The following SLCO1B1 variants were observed in gnomAD, a reference collection of about 807,000 sequenced individuals.
SLCO1B1 encodes OATP-2.
In SLCO1B1, 81 loss-of-function variants were observed where a neutral mutation model predicts 70.1. The observed-to-expected ratio is 1.16, with a 90% CI of 0.97 to 1.39. The LOEUF is 1.39. Among genes scored for constraint, SLCO1B1 ranks in the 40% most tolerant of loss-of-function variants. The pLI is 0.00. For synonymous variants in SLCO1B1, 283 were observed against 271.5 expected, an observed-to-expected ratio of 1.04 and a Z score of -0.42; for missense variants, 895 against 799.6, an observed-to-expected ratio of 1.12 and a Z score of -1.44.
chr12:21,157,023 G>A (rs184266583), intron 2 of SLCO1B1, among the ~76,000 whole-genome samples: 16 of 152,172 alleles, frequency 1.1e-4, no homozygotes, highest in Middle Eastern at 3.4e-3. Context: ...ATGAACACAC[G>A]AACATAATTT....
chr12:21,197,041 C>A lies in SLCO1B1; in HGVS notation c.823C>A (p.Pro275Thr), dbSNP rs760725262. Residue 275 changes from proline to threonine, a missense_variant, in exon 8 of 15, where the codon CCA (proline) becomes ACA (threonine). By Grantham distance (38) the Pro-to-Thr change is conservative (BLOSUM62 -1). Coordinates refer to ENST00000256958, the MANE Select transcript of SLCO1B1 (RefSeq NM_006446.5). ...ACTATTCTCCATTATTTCTTCCATA[C>A]CATTCTTTTTCTTGCCCCAAACTCC... Reference protein sequence around the residue: ...SGLFSIISSIPFFFLPQTPNK... With the variant: ...SGLFSIISSITFFFLPQTPNK... 1.2e-6 allele frequency: 2 copies of A among 1,613,626 alleles called. No homozygotes were observed. The highest frequency in any genetic ancestry group is 1.7e-6 in the Non-Finnish European group (2 of 1,179,734).
chr12:21,214,063 G>A (rs189076451), intron 11 of SLCO1B1, among the ~76,000 whole-genome samples: 6,823 of 152,220 alleles, frequency 0.045, 186 homozygotes, highest in Non-Finnish European at 0.054. Flanking sequence ...CTCTCAGCTC[G>A]TCAAAGTCAT....
chr12:21,221,954 T>C (rs1171330159), intron 12 of SLCO1B1, among the ~76,000 whole-genome samples: 1 of 152,054 alleles, frequency 6.6e-6, no homozygotes, highest in Non-Finnish European at 1.5e-5. Flanking sequence ...CTCATGCTCT[T>C]TCACACTTAT....
At chr12:21,142,354 CAGAA>C (rs1157546139) in intron 2 of SLCO1B1, among the ~76,000 whole-genome samples, 7 of 151,822 alleles carry the variant, frequency 4.6e-5, no homozygotes, top group Non-Finnish European at 4.4e-5. Context: ...AGCCAAGACT[CAGAA>C]AAGTTAAGAA....
intron 1 of SLCO1B1, among the ~76,000 whole-genome samples, chr12:21,137,702 G>A (rs185090611): frequency 3.3e-5 from 5 of 152,302 alleles, no homozygotes; most frequent in African/African-American, 1.2e-4. Context: ...CAGTATTAGG[G>A]TGGGAGTGAC....
chr12:21,215,573 G>T (rs1941348166), intron 11 of SLCO1B1, among the ~76,000 whole-genome samples: 1 of 152,098 alleles, frequency 6.6e-6, no homozygotes, highest in African/African-American at 2.4e-5. Context: ...GCTGGATTCA[G>T]TTTGCTAGTG....
At chr12:21,218,714 T>G (rs1301039937) in intron 12 of SLCO1B1, among the ~76,000 whole-genome samples, 5 of 152,178 alleles carry the variant, frequency 3.3e-5, no homozygotes, top group Non-Finnish European at 7.4e-5. Context: ...ATCAACAGGT[T>G]TTAGCTTTTT....
rs531042766 is a variant in SLCO1B1 at position 21,211,374 on chromosome 12, T to C, written c.1497+5341T>C. Reference sequence around the variant, plus strand: ...ATGCTGGATTACATTTATTGATTTGTGTATATTGAACCAGCCTTGCATCCC... The same window carrying C: ...ATGCTGGATTACATTTATTGATTTGCGTATATTGAACCAGCCTTGCATCCC... On this transcript the variant is annotated intron_variant, in intron 11 of 14. Transcript: ENST00000256958. 9.5e-3 allele frequency among the ~76,000 whole-genome samples: 1,442 copies of C among 152,270 alleles called. 3 individuals carry two copies. The highest frequency in any genetic ancestry group is 0.015 in the Non-Finnish European group (1,031 of 67,974).
rs2121215477 is a variant in SLCO1B1, at chr12:21,238,024, T to A, written c.1866-955T>A. On this transcript the variant is annotated intron_variant, in intron 14 of 14. Transcript: ENST00000256958. ...CACTGCACCTGGCCAGTAATTATTT[T>A]TTAAAAATGTTTCTTTTGCTCCTTT... Among the ~76,000 whole-genome samples the A allele has an allele frequency of 2.0e-5, 3 of 152,292 alleles. No homozygotes were observed. In the South Asian group the frequency reaches 6.2e-4, roughly 32 times the overall value.
At chr12:21,134,307 T>G (rs532060335) in intron 1 of SLCO1B1, among the ~76,000 whole-genome samples, 28 of 152,060 alleles carry the variant, frequency 1.8e-4, no homozygotes, top group African/African-American at 6.0e-4. Context: ...TTTTTGTTGT[T>G]TCTCTGCCAG....
intron 11 of SLCO1B1, among the ~76,000 whole-genome samples, chr12:21,214,679 G>A (rs1015614646): frequency 6.6e-6 from 1 of 151,882 alleles, no homozygotes; most frequent in African/African-American, 2.4e-5. Flanking sequence ...CCGCCTTGCA[G>A]TTTGATCTCA....
At chr12:21,149,920 C>A (rs536215906) in intron 2 of SLCO1B1, among the ~76,000 whole-genome samples, 1 of 152,272 alleles carries the variant, frequency 6.6e-6, no homozygotes, top group East Asian at 1.9e-4. Flanking sequence ...GGATCCCACC[C>A]CCATAGAGCC....
chr12:21,219,106 ATGTG>A (rs1297446962), intron 12 of SLCO1B1, among the ~76,000 whole-genome samples: 3 of 152,304 alleles, frequency 2.0e-5, no homozygotes, highest in African/African-American at 7.2e-5. Flanking sequence ...GAAGGAATGA[ATGTG>A]TGTAGCAGAA....
chr12:21,226,478 G>C (rs1941483469), intron 14 of SLCO1B1, among the ~76,000 whole-genome samples: 1 of 151,906 alleles, frequency 6.6e-6, no homozygotes, highest in Non-Finnish European at 1.5e-5. Flanking sequence ...TATTCTAACT[G>C]TATGACCTTT....
At chr12:21,203,297 A>T (rs1941178504) in intron 10 of SLCO1B1, among the ~76,000 whole-genome samples, 1 of 152,100 alleles carries the variant, frequency 6.6e-6, no homozygotes, top group East Asian at 1.9e-4. Context: ...TGCATATTAG[A>T]CATTGAAGAA....
intron 13 of SLCO1B1, 63 bp downstream of exon 13, chr12:21,222,427 TAC>T (rs869209935): frequency 0.037 from 3,725 of 100,358 alleles, 106 homozygotes; most frequent in Non-Finnish European, 0.045. Context: ...TATATATATA[TAC>T]ACACACACAT....
chr12:21,146,503 C>G (rs1021453699), intron 2 of SLCO1B1, among the ~76,000 whole-genome samples: 7 of 151,926 alleles, frequency 4.6e-5, no homozygotes, highest in Non-Finnish European at 8.8e-5. Context: ...ATTTGCTTTT[C>G]TTTTTGATTT....
At chr12:21,206,713 C>G (rs1229339237) in intron 11 of SLCO1B1, among the ~76,000 whole-genome samples, 1 of 151,872 alleles carries the variant, frequency 6.6e-6, no homozygotes, top group South Asian at 2.1e-4. Context: ...TTTCTCTAAT[C>G]TCCTGGGTAG....
At chr12:21,217,080 G>T in intron 11 of SLCO1B1, 39 bp from the exon 12 acceptor site, 1 of 1,552,960 alleles carries the variant, frequency 6.4e-7, no homozygotes, top group Non-Finnish European at 8.9e-7. Flanking sequence ...GTTAGGTCTT[G>T]CAAATTTCTT....
Sources: gnomAD v4.1 joint callset for allele counts (sites outside exome capture counted in the v4.1 genomes callset) on GRCh38, gnomAD v4.1.1 for gene constraint, MANE v1.5 for transcripts, NCBI Gene and HGNC (gene_info 2026-07-23, HGNC 2026-07-21) for gene names.